Variants in TM4SF5 observed in about 807,000 individuals in gnomAD.
TM4SF5 encodes the protein transmembrane 4 L six family member 5.
In TM4SF5, 16 loss-of-function variants were observed where a neutral mutation model predicts 22.3. That is an observed-to-expected ratio of 0.72 (90% confidence interval 0.49 to 1.09). The LOEUF is 1.09. Ranked by LOEUF, TM4SF5 falls within the 50% of genes least tolerant of loss-of-function variation. The pLI is 0.00. For missense variants in TM4SF5, 249 were observed against 266.1 expected (o/e 0.94, Z 0.45); for synonymous variants, 113 against 109.6 (o/e 1.03, Z -0.19).
intron 2 of TM4SF5, among the ~76,000 whole-genome samples, chr17:4,781,609 T>A (rs2150648115): frequency 6.6e-6 from 1 of 151,940 alleles, no homozygotes; most frequent in African/African-American, 2.4e-5. Flanking sequence ...TCCGCCTCCC[T>A]AGTTCAAGCC....
rs1358384166 is a variant in TM4SF5 at position 4,782,902 on chromosome 17, C to T, written c.444C>T (p.Pro148=). Residue 148 remains proline (P), a synonymous_variant, in exon 4 of 5, where the codon CCC becomes CCT. Coordinates refer to ENST00000270560, the MANE Select transcript of TM4SF5 (RefSeq NM_003963.3). ...CTCTATGGGATCGGTGCGAGGCGCC[C>T]CCTCGCGTGGTCCCCTGGAATGTGA... ...NRTLWDRCEA[P]PRVVPWNVTL... 1.9e-6 allele frequency: 3 copies of T among 1,614,058 alleles called. No homozygotes were observed. Among genetic ancestry groups the T allele is most frequent in the African/African-American group, 2.7e-5 (2 of 74,936 alleles).
At chr17:4,782,171 A>G (rs1398910815) in intron 2 of TM4SF5, among the ~76,000 whole-genome samples, 1 of 149,064 alleles carries the variant, frequency 6.7e-6, no homozygotes, top group Non-Finnish European at 1.5e-5. Flanking sequence ...ATCTCGGCTC[A>G]TTGCAACCTC....
At chr17:4,778,724 A>G (rs1263479095) in intron 1 of TM4SF5, among the ~76,000 whole-genome samples, 1 of 152,154 alleles carries the variant, frequency 6.6e-6, no homozygotes, top group East Asian at 1.9e-4. Flanking sequence ...ACGGAGCCAG[A>G]TGAGGAGGCT....
At chr17:4,773,091 G>A (rs1308930474) in intron 1 of TM4SF5, among the ~76,000 whole-genome samples, 2 of 151,996 alleles carry the variant, frequency 1.3e-5, no homozygotes, top group African/African-American at 4.8e-5. Context: ...TTTCAGTAGA[G>A]ACAGGGTTTC....
intron 2 of TM4SF5, 150 bp from the exon 3 acceptor site, chr17:4,782,353 A>G (rs1917327076): frequency 1.1e-6 from 1 of 884,842 alleles, no homozygotes; most frequent in Non-Finnish European, 1.8e-6. Context: ...TGCTGAGATT[A>G]CAGGGGTGAG....
intron 1 of TM4SF5, among the ~76,000 whole-genome samples, chr17:4,776,045 C>T (rs747143116): frequency 2.7e-4 from 41 of 151,502 alleles, no homozygotes; most frequent in Middle Eastern, 3.4e-3. Flanking sequence ...ATGGGGGTTT[C>T]GCCATGTTGG....
At chr17:4,776,005 T>G (rs1917197690) in intron 1 of TM4SF5, among the ~76,000 whole-genome samples, 1 of 150,284 alleles carries the variant, frequency 6.7e-6, no homozygotes, top group Non-Finnish European at 1.5e-5. Flanking sequence ...CCACCACGCC[T>G]GGCTAATTTT....
chr17:4,781,494 T>C (rs1917310487), intron 2 of TM4SF5, among the ~76,000 whole-genome samples: 2 of 151,966 alleles, frequency 1.3e-5, no homozygotes, highest in African/African-American at 4.8e-5. Flanking sequence ...AAAAAAAATG[T>C]ATTTTTATTT....
At chr17:4,779,949 C>G (rs1255767171) in intron 1 of TM4SF5, among the ~76,000 whole-genome samples, 1 of 152,076 alleles carries the variant, frequency 6.6e-6, no homozygotes, top group Non-Finnish European at 1.5e-5. Flanking sequence ...TCCACTAGCA[C>G]TCTTCCACAC....
chr17:4,777,990 G>T (rs1295526535), intron 1 of TM4SF5, among the ~76,000 whole-genome samples: 3 of 152,070 alleles, frequency 2.0e-5, no homozygotes, highest in Non-Finnish European at 4.4e-5. Flanking sequence ...AGGCTGCAGT[G>T]AGCCATGATC....
rs757673757 is a variant in TM4SF5, at chr17:4,780,790, T to C, written c.179T>C (p.Val60Ala). 2 of 1,609,384 alleles carry C rather than the reference T, an allele frequency of 1.2e-6. No individual in the cohort carries two copies. Among genetic ancestry groups the C allele is most frequent in the Admixed American group, 3.4e-5 (2 of 59,444 alleles). ...ATAACAATGACTCTTGTCCCACAGG[T>C]ACTGTGTCCGGGGATTGCAGCCGTT... Reference protein sequence around the residue: ...MGGFIGGGLMVLCPGIAAVRA... With the variant: ...MGGFIGGGLMALCPGIAAVRA... Residue 60 changes from valine to alanine, a missense_variant and splice_region_variant, in exon 2 of 5, where the codon GTA becomes GCA. By Grantham distance (64) the Val-to-Ala change is moderately conservative. Transcript: ENST00000270560.
Position 4,771,909 on chromosome 17 carries a change from C to T in TM4SF5, c.-14C>T. On this transcript the variant is annotated 5_prime_UTR_variant, in exon 1 of 5. Transcript: ENST00000270560. ...TTACTTTCACTCACCGCCTGTCCTT[C>T]CTGACACCTCACCATGTGTACGGGA... 1.2e-6 allele frequency: 2 copies of T among 1,614,104 alleles called. No homozygotes were observed. The highest frequency in any genetic ancestry group is 2.2e-5 in the East Asian group (1 of 44,886).
chr17:4,778,560 T>C (rs1319837602), intron 1 of TM4SF5, among the ~76,000 whole-genome samples: 1 of 152,012 alleles, frequency 6.6e-6, no homozygotes, highest in Admixed American at 6.6e-5. Context: ...TGAGCCATGA[T>C]TGCACCACTG....
intron 2 of TM4SF5, among the ~76,000 whole-genome samples, 160 bp from the exon 3 acceptor site, chr17:4,782,343 T>A (rs1917327019): frequency 6.6e-6 from 1 of 152,046 alleles, no homozygotes; most frequent in Admixed American, 6.5e-5. Flanking sequence ...CCTCCCAAAG[T>A]GCTGAGATTA....
chr17:4,772,590 G>T (rs146913434), intron 1 of TM4SF5, among the ~76,000 whole-genome samples: 2 of 152,122 alleles, frequency 1.3e-5, no homozygotes, highest in African/African-American at 4.8e-5. Context: ...CAATCTGTGC[G>T]GACTGCTAAG....
Position 4,782,955 on chromosome 17 carries a change from C to T in TM4SF5, c.497C>T (p.Ser166Phe), listed in dbSNP as rs1199729920. The change falls in exon 4 of 5, where the codon TCC becomes TTC. Residue 166 changes from serine to phenylalanine, a missense_variant. Transcript: ENST00000270560. Reference sequence around the variant, plus strand: ...CTCTTCTCGCTGCTGGTGGCCGCCTCCTGCCTGGAGATAGTACTGTGTGGG... The same window carrying T: ...CTCTTCTCGCTGCTGGTGGCCGCCTTCTGCCTGGAGATAGTACTGTGTGGG... ...VTLFSLLVAA[S>F]CLEIVLCGIQ... 3.1e-6 allele frequency: 5 copies of T among 1,614,124 alleles called. No individual in the cohort carries two copies. The highest frequency in any genetic ancestry group is 1.7e-5 in the Admixed American group (1 of 60,006).
chr17:4,773,707 AAACTC>A (rs1336130880), intron 1 of TM4SF5, among the ~76,000 whole-genome samples: 2 of 152,032 alleles, frequency 1.3e-5, no homozygotes, highest in African/African-American at 4.8e-5. Flanking sequence ...CTATCGCTCT[AAACTC>A]AACTCTCTTT....
At chr17:4,781,891 G>A (rs1013779055) in intron 2 of TM4SF5, among the ~76,000 whole-genome samples, 9 of 151,958 alleles carry the variant, frequency 5.9e-5, no homozygotes, top group African/African-American at 2.2e-4. Context: ...AGCGGCCGCC[G>A]AGATTCACTG....
chr17:4,775,590 T>C (rs1178596866), intron 1 of TM4SF5, among the ~76,000 whole-genome samples: 3 of 151,726 alleles, frequency 2.0e-5, no homozygotes, highest in Non-Finnish European at 2.9e-5. Context: ...GGCACTTTGT[T>C]TTTTGACGGT....
Sources: allele counts gnomAD v4.1 joint callset (sites outside exome capture counted in the v4.1 genomes callset), GRCh38; gene constraint gnomAD v4.1.1; transcripts MANE v1.5; gene names NCBI Gene and HGNC (gene_info 2026-07-23, HGNC 2026-07-21).